Variants in SPATA3 observed in about 807,000 individuals in gnomAD.
SPATA3 encodes the protein spermatogenesis associated 3.
A neutral mutation model predicts 5.7 loss-of-function variants in SPATA3; 6 were observed. The observed-to-expected ratio is 1.06, with a 90% confidence interval of 0.58 to 2.09. The LOEUF (loss-of-function observed/expected upper bound fraction) is 2.09, where lower values mean the gene tolerates loss of function less well. SPATA3 is among the 30% of genes most tolerant of loss of function. SPATA3 has a pLI of 0.00. For synonymous variants in SPATA3, 44 were observed against 48.4 expected, an observed-to-expected ratio of 0.91 and a Z score of 0.37; for missense variants, 155 against 130.4, an observed-to-expected ratio of 1.19 and a Z score of -0.92.
At chr2:231,000,500 C>G (rs752053010) in exon 2 of SPATA3, 25 of 1,547,834 alleles carry the variant, frequency 1.6e-5, no homozygotes, top group Non-Finnish European at 2.0e-5. Context: ...GCAGATGGCG[C>G]CAGGGAGAGG....
downstream of SPATA3, among the ~76,000 whole-genome samples, chr2:231,005,175 T>G (rs200287282): frequency 4.5e-5 from 1 of 22,192 alleles, no homozygotes; most frequent in Non-Finnish European, 9.9e-5. Context: ...ATCATCACCA[T>G]CATCATCACC....
intron 1 of SPATA3, among the ~76,000 whole-genome samples, chr2:230,997,473 A>G (rs1160163974): frequency 6.6e-6 from 1 of 152,268 alleles, no homozygotes; most frequent in Non-Finnish European, 1.5e-5. Context: ...TAGGATAGCC[A>G]GACAAAATAC....
chr2:231,015,661 T>A (rs2125125329), intron 6 of SPATA3, among the ~76,000 whole-genome samples: 1 of 152,288 alleles, frequency 6.6e-6, no homozygotes, highest in South Asian at 2.1e-4. Context: ...AACACACACG[T>A]CCCAGACCCT....
At chr2:231,013,214 C>A (rs1251274217) in intron 5 of SPATA3, among the ~76,000 whole-genome samples, 2 of 152,136 alleles carry the variant, frequency 1.3e-5, no homozygotes, top group African/African-American at 4.8e-5. Context: ...CCCCCTTCCC[C>A]CAAGGCAATG....
downstream of SPATA3, chr2:231,007,264 A>T (rs140316559): frequency 1.3e-5 from 2 of 152,114 alleles, no homozygotes; most frequent in African/African-American, 4.8e-5. Flanking sequence ...ACCAAAATTT[A>T]AAAAAAGAAA....
downstream of SPATA3, among the ~76,000 whole-genome samples, chr2:231,007,715 C>A (rs1692678375): frequency 6.6e-6 from 1 of 152,192 alleles, no homozygotes; most frequent in Non-Finnish European, 1.5e-5. Flanking sequence ...TGCCATGCAG[C>A]CTTGTGTTTA....
At position 231,018,831 on chromosome 2, in the gene SPATA3, C is replaced by T. The variant is rs186950145; in HGVS notation, c.*566-889C>T. On this transcript the variant is annotated intron_variant, in intron 6 of 8. Coordinates refer to the SPATA3 transcript ENST00000452881. ...TCCCAAGTAGCTGGGATTACAGGCA[C>T]GTGCCACCACACCCAGCTAATTTTT... is the stretch of plus-strand genomic sequence containing the variant. Among the ~76,000 whole-genome samples the T allele has an allele frequency of 8.6e-3, 1,306 of 151,950 alleles. 14 individuals carry two copies. Among genetic ancestry groups the T allele is most frequent in the South Asian group, 0.016 (76 of 4,806 alleles).
chr2:231,011,665 G>A (rs767072419), downstream of SPATA3, among the ~76,000 whole-genome samples: 4 of 145,852 alleles, frequency 2.7e-5, no homozygotes, highest in Admixed American at 7.1e-5. Flanking sequence ...CACAGAGTAA[G>A]TAAATAACCA....
chr2:230,996,592 A>T, intron 1 of SPATA3, 58 bp downstream of exon 1: 1 of 1,526,978 alleles, frequency 6.5e-7, no homozygotes, highest in Non-Finnish European at 8.8e-7. Flanking sequence ...GTTCTGGGTC[A>T]TCCCAAAGGC....
chr2:231,019,078 T>G (rs1693008635), intron 6 of SPATA3, among the ~76,000 whole-genome samples: 1 of 149,070 alleles, frequency 6.7e-6, no homozygotes, highest in South Asian at 2.1e-4. Context: ...ACCATTCTCC[T>G]GCCTCAGCCC....
intron 1 of SPATA3, 106 bp downstream of exon 1, chr2:230,996,640 T>A: frequency 1.5e-6 from 2 of 1,378,928 alleles, no homozygotes. Context: ...TTAACGTGTA[T>A]CCTGGAGCTG....
At chr2:231,018,581 A>T (rs1032554620) in intron 6 of SPATA3, among the ~76,000 whole-genome samples, 2 of 152,194 alleles carry the variant, frequency 1.3e-5, no homozygotes, top group African/African-American at 4.8e-5. Context: ...ATTTCAGCAG[A>T]CTTAAAGACT....
At chr2:231,018,831 CGTG>C (rs1692996729) in intron 6 of SPATA3, among the ~76,000 whole-genome samples, 1 of 151,838 alleles carries the variant, frequency 6.6e-6, no homozygotes, top group Non-Finnish European at 1.5e-5. Flanking sequence ...ATTACAGGCA[CGTG>C]CCACCACACC....
chr2:231,018,738 T>A (rs1233451474), intron 6 of SPATA3, among the ~76,000 whole-genome samples: 1 of 151,288 alleles, frequency 6.6e-6, no homozygotes, highest in African/African-American at 2.4e-5. Context: ...CAGGCTGGAG[T>A]GCAGTGGCAT....
intron 4 of SPATA3, chr2:231,012,541 G>T (rs1025638849): frequency 2.6e-5 from 4 of 152,250 alleles, no homozygotes; most frequent in African/African-American, 9.6e-5. Context: ...GATGACATTA[G>T]AGTTTAGTTG....
At chr2:231,013,883 C>G (rs113944450) in exon 6 of SPATA3, 14 of 146,562 alleles carry the variant, frequency 9.6e-5, no homozygotes, top group African/African-American at 3.3e-4. Context: ...GGGTCTCACT[C>G]TGTCACCCAG....
intron 1 of SPATA3, among the ~76,000 whole-genome samples, chr2:230,998,676 A>G (rs1692226646): frequency 6.6e-6 from 1 of 152,270 alleles, no homozygotes; most frequent in African/African-American, 2.4e-5. Context: ...GTAGCTCAAG[A>G]AAATGCCAGT....
chr2:231,004,577 C>T (rs1031353998), downstream of SPATA3, among the ~76,000 whole-genome samples: 2 of 152,110 alleles, frequency 1.3e-5, no homozygotes, highest in Admixed American at 1.3e-4. Flanking sequence ...GAGCACAGGA[C>T]CCAGTGTCAG....
chr2:231,005,133 T>TCACCAC (rs150496674), downstream of SPATA3, among the ~76,000 whole-genome samples: 1 of 92,828 alleles, frequency 1.1e-5, no homozygotes, highest in Admixed American at 1.2e-4. Context: ...ACCATCATCA[T>TCACCAC]CACCACCACC....
Sources: allele counts gnomAD v4.1 joint callset (sites outside exome capture counted in the v4.1 genomes callset), GRCh38; gene constraint gnomAD v4.1.1; transcripts MANE v1.5; gene names NCBI Gene and HGNC (gene_info 2026-07-23, HGNC 2026-07-21).